Variants in ZC3H8 observed in about 807,000 individuals in gnomAD.
ZC3H8 encodes the protein zinc finger CCCH domain-containing protein 8.
ZC3H8 carries 27 observed loss-of-function variants against 42.5 expected under a neutral mutation model. The ratio of observed to expected loss-of-function variants is 0.64; its 90% confidence interval spans 0.47 to 0.88. ZC3H8 has a LOEUF of 0.88. ZC3H8 is among the 40% of genes least tolerant of loss of function. The pLI is 0.00. For synonymous variants in ZC3H8, 101 were observed against 110.1 expected (o/e 0.92, Z 0.52); for missense variants, 277 against 336.1 (o/e 0.82, Z 1.37).
chr2:112,249,608 T>A (rs1202591394), intron 2 of ZC3H8, among the ~76,000 whole-genome samples: 2 of 152,154 alleles, frequency 1.3e-5, no homozygotes, highest in Non-Finnish European at 2.9e-5. Context: ...CATGCCTGGC[T>A]AAATTTTTTT....
intron 8 of ZC3H8, among the ~76,000 whole-genome samples, chr2:112,228,182 CA>C (rs1684929435): frequency 6.6e-6 from 1 of 152,058 alleles, no homozygotes; most frequent in African/African-American, 2.4e-5. Context: ...GAAGGCAAGT[CA>C]GGGGGAAGGG....
chr2:112,215,946 T>A lies in ZC3H8; in HGVS notation c.*538A>T, dbSNP rs188933825. On this transcript the variant is annotated 3_prime_UTR_variant, in exon 9 of 9. Transcript: ENST00000409573. ...AAACAAATGTCTAACAATAGGAAAC[T>A]GGTTTAAAAAAATCATAGAACCATA... 3.0e-4 allele frequency: 46 copies of A among 152,306 alleles called. No homozygotes were observed. The highest frequency in any genetic ancestry group is 1.0e-3 in the African/African-American group (43 of 41,590). 9.4% of individuals were successfully genotyped at this position (152,306 alleles called of 1,614,324 possible). A position where few individuals can be genotyped will look rare whatever the true frequency, so the allele number is the denominator to read the frequency against.
chr2:112,240,666 T>C (rs1685539268), intron 2 of ZC3H8, among the ~76,000 whole-genome samples: 1 of 152,152 alleles, frequency 6.6e-6, no homozygotes, highest in African/African-American at 2.4e-5. Context: ...GCCAGGACAA[T>C]CATCAATTTT....
At chr2:112,218,150 C>G (rs949056167) in intron 8 of ZC3H8, among the ~76,000 whole-genome samples, 2 of 152,196 alleles carry the variant, frequency 1.3e-5, no homozygotes, top group Non-Finnish European at 2.9e-5. Context: ...CTTAGGAATA[C>G]AGTTGCAGAA....
At chr2:112,226,963 C>T (rs894744649) in intron 8 of ZC3H8, among the ~76,000 whole-genome samples, 9 of 152,108 alleles carry the variant, frequency 5.9e-5, no homozygotes, top group African/African-American at 2.2e-4. Context: ...GTCATCTCAA[C>T]AGATGCACAG....
chr2:112,218,216 G>T (rs1684414904), intron 8 of ZC3H8, among the ~76,000 whole-genome samples: 1 of 152,022 alleles, frequency 6.6e-6, no homozygotes, highest in Admixed American at 6.5e-5. Context: ...CTGTATATGA[G>T]GTTTAATAAC....
At position 112,236,629 on chromosome 2, in the gene ZC3H8, C is replaced by T. The variant is rs760535316; in HGVS notation, c.437G>A (p.Arg146Gln). ...HKNGKQKKMK[R>Q]KWPGPGNKGS... ...TTTGTTTCCAGGGCCAGGCCATTTT[C>T]GCTTCATTTTCTTCTGTTTGCCATT... is the stretch of plus-strand genomic sequence containing the variant. The change falls in exon 4 of 9, where the codon CGA becomes CAA. Residue 146 changes from arginine to glutamine, a missense_variant. By Grantham distance (43) the Arg-to-Gln change is conservative. Transcript: ENST00000409573. 2.5e-5 allele frequency: 41 copies of T among 1,613,944 alleles called. No homozygotes were observed. The highest frequency in any genetic ancestry group is 6.6e-5 in the South Asian group (6 of 91,082).
chr2:112,252,503 C>G lies in ZC3H8; in HGVS notation c.75-2231G>C, dbSNP rs142926578. On this transcript the variant is annotated intron_variant, in intron 1 of 8. Coordinates refer to ENST00000409573, the MANE Select transcript of ZC3H8 (RefSeq NM_032494.3). ...CTAGAATGACCCTGCTAAAATATTT[C>G]AAATGTCACTCTGCTGAAAAACCCT... 4.3e-4 allele frequency among the ~76,000 whole-genome samples: 66 copies of G among 152,334 alleles called. No homozygotes were observed. In the East Asian group the frequency reaches 0.01, roughly 24 times the overall value.
At chr2:112,245,965 T>C (rs1403123711) in intron 2 of ZC3H8, among the ~76,000 whole-genome samples, 1 of 152,204 alleles carries the variant, frequency 6.6e-6, no homozygotes, top group African/African-American at 2.4e-5. Flanking sequence ...CTAACTCTTG[T>C]TAGGAGCTAA....
At chr2:112,231,328 T>C (rs1053813497) in intron 7 of ZC3H8, among the ~76,000 whole-genome samples, 2 of 152,152 alleles carry the variant, frequency 1.3e-5, no homozygotes, top group Admixed American at 6.5e-5. Flanking sequence ...TATACTTAGA[T>C]TAAATTTTTA....
At chr2:112,231,089 G>A in intron 7 of ZC3H8, 139 bp from the exon 8 acceptor site, 1 of 503,702 alleles carries the variant, frequency 2.0e-6, no homozygotes, top group Non-Finnish European at 2.9e-6. Context: ...ACTACTACAG[G>A]AACTGAAAAA....
At chr2:112,230,838 T>C (rs1336381765) in intron 8 of ZC3H8, 65 bp downstream of exon 8, 3 of 1,076,322 alleles carry the variant, frequency 2.8e-6, no homozygotes, top group Middle Eastern at 2.2e-4. Flanking sequence ...CCTATTGAGG[T>C]TGCATGCCAA....
chr2:112,215,093 A>G lies in ZC3H8; in HGVS notation c.*1391T>C, dbSNP rs944085419. 6.6e-6 allele frequency: 1 copy of G among 152,120 alleles called. No individual in the cohort carries two copies. The highest frequency in any genetic ancestry group is 1.5e-5 in the Non-Finnish European group (1 of 68,040). 9.4% of individuals were successfully genotyped at this position (152,120 alleles called of 1,614,324 possible). ...ATCTATACTTTATAAGTATCAAACT[A>G]TTATACATGAGGTAATATTAGGAAG... is the stretch of plus-strand genomic sequence containing the variant. On this transcript the variant is annotated 3_prime_UTR_variant, in exon 9 of 9. Transcript: ENST00000409573.
intron 2 of ZC3H8, among the ~76,000 whole-genome samples, chr2:112,245,453 A>G (rs1685725534): frequency 6.6e-6 from 1 of 152,208 alleles, no homozygotes; most frequent in Admixed American, 6.5e-5. Flanking sequence ...CAGGGGTTCA[A>G]GACCAGCCTA....
intron 8 of ZC3H8, among the ~76,000 whole-genome samples, chr2:112,218,988 G>A (rs1481856322): frequency 2.6e-5 from 4 of 152,260 alleles, no homozygotes; most frequent in East Asian, 3.9e-4. Flanking sequence ...TCATGTTAAC[G>A]GACTGGAAGA....
At chr2:112,252,511 A>C (rs1184129575) in intron 1 of ZC3H8, among the ~76,000 whole-genome samples, 1 of 152,136 alleles carries the variant, frequency 6.6e-6, no homozygotes, top group Non-Finnish European at 1.5e-5. Context: ...TTCAAATGTC[A>C]CTCTGCTGAA....
rs368474720 is a variant in ZC3H8 at position 112,233,375 on chromosome 2, G to T, written c.622-4C>A. On this transcript the variant is annotated splice_polypyrimidine_tract_variant and splice_region_variant and intron_variant, in intron 5 of 8. Coordinates refer to ENST00000409573, the MANE Select transcript of ZC3H8 (RefSeq NM_032494.3). ...GATCAAATTTACACTGGTCTCCCTA[G>T]GCCAAAAGAAGGAGCAAGGAAAAGC... is the stretch of plus-strand genomic sequence containing the variant. 3 of 1,555,346 alleles carry T rather than the reference G, an allele frequency of 1.9e-6. No individual in the cohort carries two copies. The African/African-American group carries it at 4.1e-5, about 21-fold the overall frequency.
chr2:112,235,587 C>CT (rs1685284210), intron 4 of ZC3H8, among the ~76,000 whole-genome samples: 1 of 152,122 alleles, frequency 6.6e-6, no homozygotes, highest in South Asian at 2.1e-4. Flanking sequence ...TTTACCACCC[C>CT]TTACCCTTGT....
At chr2:112,237,540 T>A (rs1685390773) in intron 3 of ZC3H8, among the ~76,000 whole-genome samples, 1 of 151,942 alleles carries the variant, frequency 6.6e-6, no homozygotes. Context: ...CCATTTTAAG[T>A]AAAGAAAACA....
Sources: gnomAD v4.1 joint callset for allele counts (sites outside exome capture counted in the v4.1 genomes callset) on GRCh38, gnomAD v4.1.1 for gene constraint, MANE v1.5 for transcripts, NCBI Gene and HGNC (gene_info 2026-07-23, HGNC 2026-07-21) for gene names.